Variants in MERTK observed in about 807,000 individuals in gnomAD.
MERTK encodes the protein tyrosine-protein kinase Mer.
Under a neutral mutation model 99.3 loss-of-function variants are expected in MERTK, and 69 were observed. The observed-to-expected ratio is 0.70, with a 90% CI of 0.57 to 0.85. MERTK has a LOEUF of 0.85. Ranked by LOEUF, MERTK falls within the 40% of genes least tolerant of loss-of-function variation. The probability of loss-of-function intolerance (pLI) is 0.00; values close to 1 mark genes in which losing one functional copy is unlikely to be tolerated. For synonymous variants in MERTK, 426 were observed against 467.6 expected, an observed-to-expected ratio of 0.91 and a Z score of 1.15; for missense variants, 1,125 against 1,249.4, an observed-to-expected ratio of 0.90 and a Z score of 1.50.
rs138340120 is a variant in MERTK at position 111,922,812 on chromosome 2, C to T, written c.62-6308C>T. On this transcript the variant is annotated intron_variant, in intron 1 of 18. Coordinates refer to ENST00000295408, the MANE Select transcript of MERTK (RefSeq NM_006343.3). ...GCTAGCTAACCTCTGAGCAGCACTG[C>T]CCACCAGCCCTTCTGCCTTTGCACA... Among the ~76,000 whole-genome samples the T allele has an allele frequency of 2.5e-3, 381 of 152,336 alleles. 4 individuals carry two copies. The highest frequency in any genetic ancestry group is 8.6e-3 in the African/African-American group (356 of 41,566).
chr2:112,029,224 G>T lies in MERTK; in HGVS notation c.*360G>T. The T allele has an allele frequency of 1.0e-6, 1 of 991,382 alleles. No individual in the cohort carries two copies. The highest frequency in any genetic ancestry group is 1.2e-6 in the Non-Finnish European group (1 of 828,984). 61.4% of individuals were successfully genotyped at this position (991,382 alleles called of 1,614,324 possible). A position where few individuals can be genotyped will look rare whatever the true frequency, so the allele number is the denominator to read the frequency against. Reference sequence around the variant, plus strand: ...CTTTTCTTTTTCATGACTATTAAATGTAAAAATATTTGTAAAATGAAATGC... The same window carrying T: ...CTTTTCTTTTTCATGACTATTAAATTTAAAAATATTTGTAAAATGAAATGC... On this transcript the variant is annotated 3_prime_UTR_variant, in exon 19 of 19. Transcript: ENST00000295408.
chr2:111,936,821 A>C (rs1684772475), intron 2 of MERTK, among the ~76,000 whole-genome samples: 1 of 152,010 alleles, frequency 6.6e-6, no homozygotes, highest in Admixed American at 6.6e-5. Flanking sequence ...AAGACCTTTC[A>C]CTGGAGTCTC....
intron 2 of MERTK, chr2:111,940,973 C>G: frequency 1.6e-6 from 1 of 626,764 alleles, no homozygotes; most frequent in Non-Finnish European, 3.1e-6. Context: ...AATTCTGTTT[C>G]ATCTTTGCAG....
rs186471418 is a variant in MERTK, at chr2:111,967,072, A to G, written c.845-1065A>G. 5.3e-5 allele frequency among the ~76,000 whole-genome samples: 8 copies of G among 152,298 alleles called. No individual in the cohort carries two copies. The East Asian group carries it at 1.5e-3, about 29-fold the overall frequency. On this transcript the variant is annotated intron_variant, in intron 5 of 18. Coordinates refer to ENST00000295408, the MANE Select transcript of MERTK (RefSeq NM_006343.3). ...CGTGTGTAGCTGTGCCTGGGGCCAT[A>G]CAGCAGGTCAGGTGGTAAACCAGAC...
intron 9 of MERTK, chr2:111,994,785 GA>G (rs11287004): frequency 0.31 from 56,103 of 179,846 alleles, 4,108 homozygotes; most frequent in Middle Eastern, 0.37. Context: ...CTCAAAAAAA[GA>G]AAAAAAAAAA....
chr2:111,937,494 G>A (rs992889559), intron 2 of MERTK, among the ~76,000 whole-genome samples: 1 of 152,200 alleles, frequency 6.6e-6, no homozygotes, highest in East Asian at 1.9e-4. Flanking sequence ...CTGACATCCT[G>A]TTTCCTTTGG....
intron 1 of MERTK, among the ~76,000 whole-genome samples, chr2:111,901,887 TG>T (rs1377129335): frequency 4.0e-5 from 6 of 151,804 alleles, no homozygotes; most frequent in Middle Eastern, 6.8e-3. Flanking sequence ...ACAATAATTA[TG>T]TTTTTTTGTT....
intron 18 of MERTK, among the ~76,000 whole-genome samples, chr2:112,023,900 GACAC>G (rs376156222): frequency 6.6e-6 from 1 of 151,484 alleles, no homozygotes. Context: ...CACACACACA[GACAC>G]ACACACACAC....
At chr2:112,018,222 T>C (rs1294122079) in intron 15 of MERTK, among the ~76,000 whole-genome samples, 1 of 152,214 alleles carries the variant, frequency 6.6e-6, no homozygotes, top group Non-Finnish European at 1.5e-5. Flanking sequence ...TATACAATTA[T>C]TTTTTAAGTG....
At chr2:111,970,305 T>TG (rs1258345195) in intron 6 of MERTK, among the ~76,000 whole-genome samples, 1 of 150,906 alleles carries the variant, frequency 6.6e-6, no homozygotes, top group Non-Finnish European at 1.5e-5. Context: ...TACAGGCGGG[T>TG]GCCACCACGC....
chr2:111,918,809 T>C (rs1684401935), intron 1 of MERTK, among the ~76,000 whole-genome samples: 1 of 152,176 alleles, frequency 6.6e-6, no homozygotes, highest in Non-Finnish European at 1.5e-5. Flanking sequence ...TTGTTTCACG[T>C]GCAATATTCC....
chr2:111,959,798 A>T lies in MERTK; in HGVS notation c.758-5393A>T, dbSNP rs76676837. 2.6e-4 allele frequency among the ~76,000 whole-genome samples: 39 copies of T among 152,276 alleles called. 1 individual carries two copies. The East Asian group carries it at 7.3e-3, about 29-fold the overall frequency. The stretch of plus-strand genomic sequence containing the variant: ...GAGTGAGCCCACTGTGCTTGGCCTC[A>T]AGATCCTTTTACAGTCATAAGTTAT... On this transcript the variant is annotated intron_variant, in intron 4 of 18. Coordinates refer to ENST00000295408, the MANE Select transcript of MERTK (RefSeq NM_006343.3).
intron 12 of MERTK, 50 bp from the exon 13 acceptor site, chr2:112,003,854 T>G (rs1676923080): frequency 6.8e-7 from 1 of 1,464,126 alleles, no homozygotes; most frequent in South Asian, 1.1e-5. Flanking sequence ...ATTTCTGTGG[T>G]CAGGGAAGAG....
intron 15 of MERTK, among the ~76,000 whole-genome samples, chr2:112,012,310 C>A (rs1184727782): frequency 6.8e-6 from 1 of 147,750 alleles, no homozygotes; most frequent in Non-Finnish European, 1.5e-5. Flanking sequence ...TCCCCCCCAC[C>A]CCCACACCCA....
At chr2:111,999,209 T>C (rs2104403472) in intron 10 of MERTK, among the ~76,000 whole-genome samples, 1 of 152,358 alleles carries the variant, frequency 6.6e-6, no homozygotes, top group Admixed American at 6.5e-5. Context: ...ATCTGTAATC[T>C]AGACTTTCAA....
At chr2:111,970,803 C>CTT (rs1277957191) in intron 6 of MERTK, among the ~76,000 whole-genome samples, 3 of 96,210 alleles carry the variant, frequency 3.1e-5, no homozygotes, top group African/African-American at 1.3e-4. Flanking sequence ...CCTCCTCCCC[C>CTT]CTCCTCCTCC....
rs1223403965 is a variant in MERTK at position 111,939,576 on chromosome 2, GCTTAAACAATCCTCCCAT to G, written c.483-5379_483-5362del. Among the ~76,000 whole-genome samples, 7 of 151,424 alleles carry G rather than the reference GCTTAAACAATCCTCCCAT, an allele frequency of 4.6e-5. No homozygotes were observed. The East Asian group carries it at 1.4e-3, about 29-fold the overall frequency. ...GCCCACTGCAGCCTCAAATTCTTGG[GCTTAAACAATCCTCCCAT>G]CTTAGCCTCCCAAGTAGCTGGGGCT... On this transcript the variant is annotated intron_variant, in intron 2 of 18. Transcript: ENST00000295408.
At chr2:111,920,235 G>T (rs187763750) in intron 1 of MERTK, among the ~76,000 whole-genome samples, 3 of 152,172 alleles carry the variant, frequency 2.0e-5, no homozygotes, top group Non-Finnish European at 4.4e-5. Flanking sequence ...TCCTTCCACC[G>T]TGCAGGCATT....
intron 6 of MERTK, among the ~76,000 whole-genome samples, chr2:111,970,892 C>G (rs890065239): frequency 6.7e-6 from 1 of 148,448 alleles, no homozygotes; most frequent in Non-Finnish European, 1.5e-5. Context: ...TTGTTCTTTT[C>G]TTGGAAGAAT....
Sources: gnomAD v4.1 joint callset for allele counts (sites outside exome capture counted in the v4.1 genomes callset) on GRCh38, gnomAD v4.1.1 for gene constraint, MANE v1.5 for transcripts, NCBI Gene and HGNC (gene_info 2026-07-23, HGNC 2026-07-21) for gene names.